Variants in FMN2 observed in about 807,000 individuals in gnomAD.
FMN2 encodes formin 2.
In FMN2, 51 loss-of-function variants were observed where a neutral mutation model predicts 142.3. The observed-to-expected ratio is 0.36, with a 90% confidence interval of 0.29 to 0.45. The LOEUF (loss-of-function observed/expected upper bound fraction) is 0.45. FMN2 is among the 20% of genes least tolerant of loss of function. The probability of loss-of-function intolerance (pLI) is 1.00; values close to 1 mark genes in which losing one functional copy is unlikely to be tolerated. For missense variants in FMN2, 1,936 were observed against 2,122.8 expected, an observed-to-expected ratio of 0.91 and a Z score of 1.73; for synonymous variants, 882 against 869.8, an observed-to-expected ratio of 1.01 and a Z score of -0.25.
chr1:240,091,985 C>A lies in FMN2; in HGVS notation c.-125C>A. On this transcript the variant is annotated 5_prime_UTR_variant, in exon 1 of 18. Coordinates refer to ENST00000319653, the MANE Select transcript of FMN2 (RefSeq NM_020066.5). Reference sequence around the variant, plus strand: ...AGCCGGGCGCGCGTCGGCCTCCCCTCCCAGCGGCTCCCCCCGCCGCCGCCT... The same window carrying A: ...AGCCGGGCGCGCGTCGGCCTCCCCTACCAGCGGCTCCCCCCGCCGCCGCCT... The A allele has an allele frequency of 1.5e-6, 2 of 1,373,146 alleles. No individual in the cohort carries two copies. The highest frequency in any genetic ancestry group is 1.9e-6 in the Non-Finnish European group (2 of 1,069,872). The allele number at this position is 1,373,146 out of a possible 1,614,324, so 85.1% of individuals were successfully genotyped here. A position where few individuals can be genotyped will look rare whatever the true frequency, so the allele number is the denominator to read the frequency against.
rs140264331 is a variant in FMN2, at chr1:240,417,911, G to T, written c.4911-20150G>T. On this transcript the variant is annotated intron_variant, in intron 15 of 17. Coordinates refer to ENST00000319653, the MANE Select transcript of FMN2 (RefSeq NM_020066.5). ...GTTTTCAGACAATATACTCTATATG[G>T]TTCTTATCATCCTGATGGAATGTTC... Among the ~76,000 whole-genome samples, 495 of 152,076 alleles carry T rather than the reference G, an allele frequency of 3.3e-3. 2 individuals carry two copies. Among genetic ancestry groups the T allele is most frequent in the African/African-American group, 0.011 (449 of 41,508 alleles).
intron 7 of FMN2, among the ~76,000 whole-genome samples, chr1:240,277,771 G>C (rs1214124838): frequency 6.6e-6 from 1 of 151,832 alleles, no homozygotes; most frequent in African/African-American, 2.4e-5. Context: ...CCGACCTCAA[G>C]TGATCCGCCC....
chr1:240,106,747 C>T (rs925508049), intron 1 of FMN2, among the ~76,000 whole-genome samples: 1 of 151,332 alleles, frequency 6.6e-6, no homozygotes, highest in African/African-American at 2.4e-5. Flanking sequence ...TGCAATGGCG[C>T]GATCTTGCTC....
intron 16 of FMN2, chr1:240,458,862 A>G (rs539860403): frequency 2.0e-5 from 3 of 152,294 alleles, no homozygotes; most frequent in African/African-American, 7.2e-5. Flanking sequence ...AAGGAAACCT[A>G]AAACATTCTT....
chr1:240,336,082 G>T (rs527484503), intron 13 of FMN2, among the ~76,000 whole-genome samples: 144 of 152,178 alleles, frequency 9.5e-4, no homozygotes, highest in Admixed American at 3.9e-3. Flanking sequence ...GGCAGAGGTT[G>T]CAGTGAGCCA....
chr1:240,256,861 A>G (rs890725755), intron 6 of FMN2, among the ~76,000 whole-genome samples: 1 of 152,202 alleles, frequency 6.6e-6, no homozygotes, highest in East Asian at 1.9e-4. Flanking sequence ...TGGGGCACCC[A>G]GAGTGCTATT....
intron 14 of FMN2, among the ~76,000 whole-genome samples, chr1:240,357,747 AC>A (rs1253694732): frequency 6.6e-6 from 1 of 151,770 alleles, no homozygotes; most frequent in Non-Finnish European, 1.5e-5. Context: ...AGCTGCAATT[AC>A]AGGCACCCGC....
At chr1:240,106,401 A>G (rs748870372) in intron 1 of FMN2, among the ~76,000 whole-genome samples, 2 of 152,174 alleles carry the variant, frequency 1.3e-5, no homozygotes, top group Non-Finnish European at 2.9e-5. Context: ...CCAATTTCAT[A>G]TTGTCTTTTA....
At chr1:240,413,120 CAAAAAAAAAAA>C (rs35590068) in intron 15 of FMN2, among the ~76,000 whole-genome samples, 816 of 24,594 alleles carry the variant, frequency 0.033, 16 homozygotes, top group African/African-American at 0.091. Flanking sequence ...GAGACTCTGT[CAAAAAAAAAAA>C]AAAAAAAAAA....
intron 14 of FMN2, among the ~76,000 whole-genome samples, chr1:240,361,181 AT>A (rs1672468041): frequency 1.9e-5 from 2 of 107,226 alleles, no homozygotes; most frequent in Non-Finnish European, 4.2e-5. Context: ...ATATATATAT[AT>A]ATAAAAGAGT....
chr1:240,256,706 G>A (rs896549101), intron 6 of FMN2, among the ~76,000 whole-genome samples: 4 of 152,016 alleles, frequency 2.6e-5, no homozygotes, highest in African/African-American at 7.2e-5. Flanking sequence ...AGCCGAGATC[G>A]TGCCACTGCA....
intron 6 of FMN2, among the ~76,000 whole-genome samples, chr1:240,238,846 C>T (rs966808288): frequency 1.3e-5 from 2 of 152,114 alleles, no homozygotes; most frequent in African/African-American, 4.8e-5. Flanking sequence ...ATCTGTTATA[C>T]TCAACAACAA....
chr1:240,355,950 G>GTAAAA (rs1558449489), intron 14 of FMN2, 42 bp downstream of exon 14: 2 of 85,606 alleles, frequency 2.3e-5, no homozygotes, highest in African/African-American at 3.6e-4. Flanking sequence ...TCCCCTTTCA[G>GTAAAA]CAAAAAAAAA....
intron 15 of FMN2, among the ~76,000 whole-genome samples, chr1:240,433,291 G>A (rs187406993): frequency 2.6e-5 from 4 of 152,182 alleles, no homozygotes; most frequent in African/African-American, 9.6e-5. Context: ...GTGTTTTTAC[G>A]TAGCTTTTTC....
intron 6 of FMN2, among the ~76,000 whole-genome samples, chr1:240,244,286 C>T (rs1302677444): frequency 6.6e-6 from 1 of 152,148 alleles, no homozygotes; most frequent in East Asian, 1.9e-4. Context: ...TATTTACTAG[C>T]TTGTAAAAAA....
rs1676878720 is a variant in FMN2, at chr1:240,473,558, T to C, written c.5143-570T>C. Among the ~76,000 whole-genome samples, 1 of 152,186 alleles carries C rather than the reference T, an allele frequency of 6.6e-6. No individual in the cohort carries two copies. Among genetic ancestry groups the C allele is most frequent in the Non-Finnish European group, 1.5e-5 (1 of 68,030 alleles). ...AAATTGGGATATGATTAAATAGCCC[T>C]GTTTTTTTTTAAAAAGTTAGGAATT... On this transcript the variant is annotated intron_variant, in intron 17 of 17. Coordinates refer to ENST00000319653, the MANE Select transcript of FMN2 (RefSeq NM_020066.5). This position sits in a 1 kb window ranked among gnomAD's most constrained non-coding sequence, Gnocchi z 4.3.
chr1:240,249,697 G>A (rs942308648), intron 6 of FMN2, among the ~76,000 whole-genome samples: 6 of 152,024 alleles, frequency 3.9e-5, no homozygotes, highest in African/African-American at 1.4e-4. Flanking sequence ...TTGGGGAGTA[G>A]GGTCACTTCA....
chr1:240,126,368 C>G (rs892675952), intron 2 of FMN2, among the ~76,000 whole-genome samples: 1 of 151,120 alleles, frequency 6.6e-6, no homozygotes, highest in South Asian at 2.1e-4. Flanking sequence ...CTACCTACCC[C>G]CCCCCACTTT....
intron 3 of FMN2, among the ~76,000 whole-genome samples, chr1:240,185,063 C>CTTT: frequency 6.7e-6 from 1 of 149,540 alleles, no homozygotes; most frequent in African/African-American, 2.5e-5. Flanking sequence ...CTATACCTTC[C>CTTT]CCTTCTCTTT....
Sources: allele counts gnomAD v4.1 joint callset (sites outside exome capture counted in the v4.1 genomes callset), GRCh38; gene constraint gnomAD v4.1.1; non-coding constraint Gnocchi (gnomAD v3.1); transcripts MANE v1.5; gene names NCBI Gene and HGNC (gene_info 2026-07-23, HGNC 2026-07-21).